Variants in ZZEF1 observed in about 807,000 individuals in gnomAD.
The protein encoded by ZZEF1 is zinc finger ZZ-type and EF-hand domain containing 1.
In ZZEF1, 157 loss-of-function variants were observed where a neutral mutation model predicts 342.8. The observed-to-expected ratio is 0.46, with a 90% CI of 0.40 to 0.52. The LOEUF is 0.52. Among genes scored for constraint, ZZEF1 ranks in the 20% least tolerant of loss-of-function variants. The pLI is 0.00. For synonymous variants in ZZEF1, 1,505 were observed against 1,429.1 expected (o/e 1.05, Z -1.20); for missense variants, 3,480 against 3,725.6 (o/e 0.93, Z 1.72).
chr17:4,016,273 G>T lies in ZZEF1; in HGVS notation c.8145+50C>A. On this transcript the variant is annotated intron_variant, in intron 49 of 54. Coordinates refer to ENST00000381638, the MANE Select transcript of ZZEF1 (RefSeq NM_015113.4). The surrounding 1 kb of genome is among the most constrained non-coding windows in gnomAD (Gnocchi z 4.4). ...GGGCTGAGCACGGAGGGGCTGACGA[G>T]GTCTCTGCGGCTCAGTCGCTCTTAT... 1 of 1,575,854 alleles carries T rather than the reference G, an allele frequency of 6.3e-7. No individual in the cohort carries two copies.
intron 37 of ZZEF1, among the ~76,000 whole-genome samples, chr17:4,047,071 G>GA (rs1056397238): frequency 2.6e-5 from 4 of 152,130 alleles, no homozygotes; most frequent in African/African-American, 9.7e-5. Context: ...CTAAGAGGAA[G>GA]AGCCAGAGGC....
chr17:4,027,286 CT>C (rs1179743466), intron 42 of ZZEF1, among the ~76,000 whole-genome samples: 150 of 67,968 alleles, frequency 2.2e-3, no homozygotes, highest in South Asian at 8.8e-3. Context: ...CAATATCTCA[CT>C]TTTTTTTTTT....
chr17:4,080,927 G>A (rs909461536), intron 18 of ZZEF1, among the ~76,000 whole-genome samples: 1 of 152,242 alleles, frequency 6.6e-6, no homozygotes, highest in East Asian at 1.9e-4. Flanking sequence ...GTGATCATTT[G>A]TAAGAGTCAA....
chr17:4,076,819 C>A (rs546483850), intron 20 of ZZEF1, 49 bp downstream of exon 20: 6 of 1,612,472 alleles, frequency 3.7e-6, no homozygotes, highest in Admixed American at 1.7e-5. Flanking sequence ...GGGATGCAGA[C>A]CCCCAACCCC....
chr17:4,095,637 C>T (rs116587278), intron 11 of ZZEF1, among the ~76,000 whole-genome samples, 194 bp downstream of exon 11: 50 of 152,226 alleles, frequency 3.3e-4, no homozygotes, highest in African/African-American at 1.1e-3. Flanking sequence ...ATGCTATGAA[C>T]AAATTAACAT....
rs761679650 is a variant in ZZEF1 at position 4,006,654 on chromosome 17, C to T, written c.*236G>A. Reference sequence around the variant, plus strand: ...AACCTTCTTAAGGGCCCCCTGCCCACCCTTTCTGAGGCATTCTGCACTGCT... The same window carrying T: ...AACCTTCTTAAGGGCCCCCTGCCCATCCTTTCTGAGGCATTCTGCACTGCT... On this transcript the variant is annotated 3_prime_UTR_variant, in exon 55 of 55. Transcript: ENST00000381638. 3.6e-6 allele frequency: 2 copies of T among 561,056 alleles called. No individual in the cohort carries two copies. The highest frequency in any genetic ancestry group is 6.4e-6 in the Non-Finnish European group (2 of 312,402). The allele number at this position is 561,056 out of a possible 1,614,324, so 34.8% of individuals were successfully genotyped here. A position where few individuals can be genotyped will look rare whatever the true frequency, so the allele number is the denominator to read the frequency against.
intron 42 of ZZEF1, among the ~76,000 whole-genome samples, chr17:4,028,800 A>T (rs1241172189): frequency 6.6e-6 from 1 of 152,198 alleles, no homozygotes; most frequent in Admixed American, 6.5e-5. Context: ...ACAGATATGA[A>T]CAGCCAACTA....
At position 4,044,270 on chromosome 17, in the gene ZZEF1, T is replaced by C. The variant is rs757122104; in HGVS notation, c.6120A>G (p.Gln2040=). The C allele has an allele frequency of 3.1e-6, 5 of 1,614,148 alleles. No individual in the cohort carries two copies. The highest frequency in any genetic ancestry group is 1.7e-5 in the Admixed American group (1 of 60,012). The change falls in exon 38 of 55, where the codon CAA becomes CAG. Residue 2040 remains glutamine, a synonymous_variant. Transcript: ENST00000381638. ...SLSKDPSCQT[Q]ISDSPADASP... ...TAGCATCTGCAGGTGAATCTGAAAT[T>C]TGGGTCTGGCATGAAGGATCCTTCG...
chr17:4,090,720 T>C lies in ZZEF1; in HGVS notation c.2024A>G (p.Lys675Arg), dbSNP rs1397676331. 3.7e-6 allele frequency: 6 copies of C among 1,613,548 alleles called. No individual in the cohort carries two copies. In the Admixed American group the frequency reaches 1.0e-4, roughly 27 times the overall value. Residue 675 changes from lysine (K) to arginine (R), a missense_variant and splice_region_variant, in exon 12 of 55, where the codon AAA becomes AGA. Lys to Arg is a conservative substitution (Grantham distance 26). This residue lies in a region of ZZEF1 where 1,528 missense variants were observed against 1,624.1 expected (regional missense o/e 0.94). Transcript: ENST00000381638. Reference protein sequence around the residue: ...DVKLQQCRVAKYLMVKFLCTR... With the variant: ...DVKLQQCRVARYLMVKFLCTR... ...GGCAAACGACGCACTAATGCTTACT[T>C]TGGCAACTCTGCACTGTTGCAGCTT...
At chr17:4,111,486 C>T (rs567713009) in intron 5 of ZZEF1, among the ~76,000 whole-genome samples, 65 of 151,842 alleles carry the variant, frequency 4.3e-4, no homozygotes, top group African/African-American at 1.5e-3. Context: ...AGTGAAACCC[C>T]GTCTCTACTA....
chr17:4,117,552 A>G (rs1450489441), intron 2 of ZZEF1, among the ~76,000 whole-genome samples: 1 of 150,492 alleles, frequency 6.6e-6, no homozygotes. Flanking sequence ...GGAGGCTGAG[A>G]CAGGAGAATC....
intron 39 of ZZEF1, among the ~76,000 whole-genome samples, chr17:4,040,068 A>G (rs2056770585): frequency 6.6e-6 from 1 of 152,212 alleles, no homozygotes; most frequent in Admixed American, 6.5e-5. Flanking sequence ...GGCAAAAAAA[A>G]TCAGTTGATA....
rs767294337 is a variant in ZZEF1 at position 4,017,618 on chromosome 17, C to G, written c.7754G>C (p.Ser2585Thr). The G allele has an allele frequency of 2.5e-6, 4 of 1,614,206 alleles. No individual in the cohort carries two copies. The South Asian group carries it at 3.3e-5, about 13-fold the overall frequency. ...CTTGTGCAGGAGGGCGGCGCTCTTG[C>G]TACGGCGCTGCTTGGCATAGCTCTG... Reference protein sequence around the residue: ...LQQSYAKQRRSKSAALLHKEL... With the variant: ...LQQSYAKQRRTKSAALLHKEL... Residue 2585 changes from serine (S) to threonine (T), a missense_variant, in exon 48 of 55, where the codon AGC becomes ACC. By Grantham distance (58) the Ser-to-Thr change is moderately conservative (BLOSUM62 1). This residue lies in a region of ZZEF1 where 1,269 missense variants were observed against 1,342.4 expected (regional missense o/e 0.95). Transcript: ENST00000381638. This position sits in a 1 kb window ranked among gnomAD's most constrained non-coding sequence, Gnocchi z 5.1.
intron 38 of ZZEF1, among the ~76,000 whole-genome samples, chr17:4,043,108 T>A (rs181351305): frequency 2.2e-4 from 33 of 152,272 alleles, no homozygotes; most frequent in Non-Finnish European, 1.0e-4. Flanking sequence ...ACCCCCGCCC[T>A]CCCCATCTCC....
intron 31 of ZZEF1, among the ~76,000 whole-genome samples, chr17:4,058,675 G>A (rs2057220544): frequency 6.6e-6 from 1 of 152,186 alleles, no homozygotes; most frequent in Non-Finnish European, 1.5e-5. Context: ...AGGAGCTCAA[G>A]GCCAGCCTGA....
intron 11 of ZZEF1, among the ~76,000 whole-genome samples, chr17:4,093,594 A>AGAGC (rs1204406000): frequency 1.3e-5 from 2 of 152,224 alleles, no homozygotes; most frequent in African/African-American, 4.8e-5. Flanking sequence ...GAATCTCCCG[A>AGAGC]GAGCCTGTAA....
chr17:4,113,402 G>A (rs781421352), intron 4 of ZZEF1, among the ~76,000 whole-genome samples: 3 of 152,132 alleles, frequency 2.0e-5, no homozygotes, highest in Non-Finnish European at 4.4e-5. Context: ...AATGTATATA[G>A]AAAGAGGCCA....
At chr17:4,078,551 A>G (rs2057666000) in intron 18 of ZZEF1, among the ~76,000 whole-genome samples, 1 of 152,244 alleles carries the variant, frequency 6.6e-6, no homozygotes, top group Non-Finnish European at 1.5e-5. Flanking sequence ...GGTAGGAGTA[A>G]GTAGAAAGAA....
In ZZEF1 at chr17:4,142,880, T is replaced by A; in HGVS notation, c.16A>T (p.Ser6Cys). 2.2e-6 allele frequency: 3 copies of A among 1,370,246 alleles called. No homozygotes were observed. Among genetic ancestry groups the A allele is most frequent in the Non-Finnish European group, 2.8e-6 (3 of 1,070,722 alleles). 84.9% of individuals were successfully genotyped at this position (1,370,246 alleles called of 1,614,324 possible). Residue 6 changes from serine to cysteine, a missense_variant, in exon 1 of 55, where the codon AGT becomes TGT. This residue lies in a region of ZZEF1 where 416 missense variants were observed against 374.2 expected (regional missense o/e 1.11). Transcript: ENST00000381638. MGNAP[S>C]HSSEDEAAAA... ...GCCGCTTCGTCTTCACTGCTGTGAC[T>A]CGGAGCGTTCCCCATGGGGTCTCCG...
Sources: gnomAD v4.1 joint callset for allele counts (sites outside exome capture counted in the v4.1 genomes callset) on GRCh38, gnomAD v4.1.1 for gene constraint, gnomAD v4.1.1 regional missense constraint, Gnocchi (gnomAD v3.1) non-coding constraint, MANE v1.5 for transcripts, NCBI Gene and HGNC (gene_info 2026-07-23, HGNC 2026-07-21) for gene names.